The following HTR2C variants were observed in gnomAD, a reference collection of about 807,000 sequenced individuals.
HTR2C encodes 5-hydroxytryptamine (serotonin) receptor 2C, G protein-coupled.
HTR2C carries 5 observed loss-of-function variants against 21.0 expected under a neutral mutation model. The observed-to-expected ratio is 0.24, with a 90% CI of 0.12 to 0.50. HTR2C has a LOEUF of 0.50. HTR2C is among the 20% of genes least tolerant of loss of function. HTR2C has a pLI of 0.98. For synonymous variants in HTR2C, 150 were observed against 145.3 expected (o/e 1.03, Z -0.23); for missense variants, 271 against 371.2 (o/e 0.73, Z 2.22).
intron 1 of HTR2C, 125 bp from the exon 2 acceptor site, chrX:114,613,674 ATGAGACTTCTTTCTTC>A (rs1256940589): frequency 8.9e-6 from 1 of 111,989 alleles, no homozygotes; most frequent in East Asian, 2.8e-4. Context: ...TTTTATATAA[ATGAGACTTCTTTCTTC>A]TGAAGCTTAT....
At chrX:114,631,393 T>G (rs1929622884) in intron 2 of HTR2C, among the ~76,000 whole-genome samples, 1 of 111,850 alleles carries the variant, frequency 8.9e-6, no homozygotes, top group African/African-American at 3.2e-5. Context: ...ATTATCATAA[T>G]CATTACTAGC....
At chrX:114,652,631 G>A (rs185484321) in intron 2 of HTR2C, 1 of 374,367 alleles carries the variant, frequency 2.7e-6, no homozygotes, top group African/African-American at 2.7e-5. Context: ...AACACATTGT[G>A]TTTCTCCATG....
intron 1 of HTR2C, among the ~76,000 whole-genome samples, chrX:114,609,785 T>C (rs1411823499): frequency 8.9e-6 from 1 of 112,001 alleles, no homozygotes; most frequent in Non-Finnish European, 1.9e-5. Flanking sequence ...GTGGAAGATA[T>C]AGAAAACGAG....
chrX:114,727,148 A>G (rs2069489737), intron 3 of HTR2C, among the ~76,000 whole-genome samples, 177 bp downstream of exon 3: 1 of 111,658 alleles, frequency 9.0e-6, no homozygotes, highest in Admixed American at 9.6e-5. Context: ...AATTAATGGA[A>G]AAAAAAATTT....
intron 2 of HTR2C, among the ~76,000 whole-genome samples, chrX:114,673,796 G>A (rs1420661545): frequency 2.7e-5 from 3 of 111,274 alleles, no homozygotes; most frequent in Non-Finnish European, 5.7e-5. Flanking sequence ...TGTTATTTAT[G>A]AGCAATGCAA....
chrX:114,625,961 A>G (rs1248160896), intron 2 of HTR2C, among the ~76,000 whole-genome samples: 1 of 111,549 alleles, frequency 9.0e-6, no homozygotes, highest in Non-Finnish European at 1.9e-5. Context: ...ATCATGAACC[A>G]GAGAACATAA....
intron 4 of HTR2C, among the ~76,000 whole-genome samples, chrX:114,733,094 A>T (rs1032717654): frequency 1.8e-5 from 2 of 111,332 alleles, no homozygotes; most frequent in African/African-American, 6.5e-5. Context: ...AGCTATTAGG[A>T]AGCCTAAGAT....
chrX:114,641,195 T>C (rs1266485589), intron 2 of HTR2C, among the ~76,000 whole-genome samples: 1 of 110,112 alleles, frequency 9.1e-6, no homozygotes, highest in Admixed American at 1.0e-4. Flanking sequence ...TGCTTCTCCT[T>C]GTTTCTTAAA....
At chrX:114,704,207 G>T (rs1305716749) in intron 2 of HTR2C, among the ~76,000 whole-genome samples, 2 of 111,529 alleles carry the variant, frequency 1.8e-5, no homozygotes, top group Non-Finnish European at 3.8e-5. Context: ...AAACTCATTT[G>T]ATGACGCCAG....
intron 5 of HTR2C, among the ~76,000 whole-genome samples, chrX:114,878,709 T>C (rs1262147559): frequency 9.0e-6 from 1 of 110,955 alleles, no homozygotes; most frequent in Non-Finnish European, 1.9e-5. Flanking sequence ...CCTTTTAACT[T>C]TATTAATACT....
intron 2 of HTR2C, among the ~76,000 whole-genome samples, chrX:114,642,744 T>G (rs782080227): frequency 4.5e-5 from 5 of 111,810 alleles, no homozygotes; most frequent in Admixed American, 9.5e-5. Context: ...TGAGTTTGTT[T>G]AGAAAAATGT....
chrX:114,773,598 A>G (rs1556437761), intron 4 of HTR2C, among the ~76,000 whole-genome samples: 1 of 112,309 alleles, frequency 8.9e-6, no homozygotes, highest in African/African-American at 3.2e-5. Context: ...TATTGAGCAG[A>G]TATTTTGGAG....
intron 5 of HTR2C, among the ~76,000 whole-genome samples, chrX:114,865,305 A>T (rs1004795956): frequency 1.8e-5 from 2 of 111,848 alleles, no homozygotes; most frequent in Non-Finnish European, 3.8e-5. Flanking sequence ...CTTTTTATAG[A>T]CGTGGTTTAT....
At chrX:114,680,758 A>G (rs782785591) in intron 2 of HTR2C, among the ~76,000 whole-genome samples, 1 of 111,686 alleles carries the variant, frequency 9.0e-6, no homozygotes, top group Non-Finnish European at 1.9e-5. Context: ...AGTGTCTTTA[A>G]CTCAGAATAG....
intron 5 of HTR2C, among the ~76,000 whole-genome samples, chrX:114,899,318 A>C (rs1021226331): frequency 9.9e-5 from 11 of 111,392 alleles, no homozygotes; most frequent in African/African-American, 3.6e-4. Context: ...CCGCAGGACA[A>C]TGCTGCTTGA....
At chrX:114,757,213 G>T (rs1375135241) in intron 4 of HTR2C, among the ~76,000 whole-genome samples, 2 of 111,054 alleles carry the variant, frequency 1.8e-5, no homozygotes, top group African/African-American at 6.5e-5. Flanking sequence ...TGGAGTTAAT[G>T]GTCCTTGTCA....
intron 2 of HTR2C, among the ~76,000 whole-genome samples, chrX:114,698,059 C>G (rs1556416094): frequency 8.9e-6 from 1 of 112,166 alleles, no homozygotes; most frequent in Non-Finnish European, 1.9e-5. Flanking sequence ...TGGCTATCAG[C>G]CAGGGGCCAT....
At chrX:114,859,579 C>G (rs1051451931) in intron 5 of HTR2C, among the ~76,000 whole-genome samples, 2 of 110,846 alleles carry the variant, frequency 1.8e-5, no homozygotes, top group Admixed American at 9.6e-5. Context: ...TCTCTGTTTT[C>G]TCTCTTTTTG....
chrX:114,708,025 A>G (rs1253655102), intron 2 of HTR2C, among the ~76,000 whole-genome samples: 1 of 111,590 alleles, frequency 9.0e-6, no homozygotes, highest in East Asian at 2.8e-4. Context: ...CAGTTAAAAT[A>G]AATTTTTGCT....
Sources: allele counts gnomAD v4.1 joint callset (sites outside exome capture counted in the v4.1 genomes callset), GRCh38; gene constraint gnomAD v4.1.1; transcripts MANE v1.5; gene names NCBI Gene and HGNC (gene_info 2026-07-23, HGNC 2026-07-21).